The following SHTN1 variants were observed in gnomAD, a reference collection of about 807,000 sequenced individuals.
SHTN1 encodes shootin 1.
A neutral mutation model predicts 83.1 loss-of-function variants in SHTN1; 42 were observed. That is an observed-to-expected ratio of 0.51 (90% confidence interval 0.39 to 0.65). The LOEUF is 0.65. Among genes scored for constraint, SHTN1 ranks in the 30% least tolerant of loss-of-function variants. The pLI is 0.00. For synonymous variants in SHTN1, 224 were observed against 247.7 expected (o/e 0.90, Z 0.90); for missense variants, 622 against 737.8 (o/e 0.84, Z 1.82).
In SHTN1 at chr10:116,968,759, T is replaced by G. The variant is rs1008389078; in HGVS notation, c.112-47A>C. 11 of 1,510,316 alleles carry G rather than the reference T, an allele frequency of 7.3e-6. No homozygotes were observed. The Admixed American group carries it at 1.1e-4, about 15-fold the overall frequency. The allele number at this position is 1,510,316 out of a possible 1,614,324, so 93.6% of individuals were successfully genotyped here. ...AATGTTAAACTTCAATCATAAATTT[T>G]AAGTTTGAAAAGGCAAGCAAGAGCA... On this transcript the variant is annotated intron_variant, in intron 2 of 16. Transcript: ENST00000355371.
intron 13 of SHTN1, among the ~76,000 whole-genome samples, chr10:116,912,746 G>A (rs1848248479): frequency 1.3e-5 from 2 of 152,086 alleles, no homozygotes; most frequent in African/African-American, 4.8e-5. Context: ...AGATGAAGGG[G>A]AAACTTGCAA....
intron 2 of SHTN1, among the ~76,000 whole-genome samples, chr10:117,020,185 G>A (rs1852238884): frequency 6.6e-6 from 1 of 152,018 alleles, no homozygotes; most frequent in Non-Finnish European, 1.5e-5. Context: ...AAGACTTACA[G>A]GTCAATAGAA....
intron 4 of SHTN1, among the ~76,000 whole-genome samples, chr10:116,955,873 C>T (rs1045685293): frequency 6.6e-5 from 10 of 152,188 alleles, no homozygotes; most frequent in Admixed American, 2.6e-4. Flanking sequence ...TCTGTCTGCA[C>T]ACATTACATT....
chr10:117,071,459 T>C lies in SHTN1; in HGVS notation c.-188-22949A>G, dbSNP rs140002908. Among the ~76,000 whole-genome samples, 545 of 152,332 alleles carry C rather than the reference T, an allele frequency of 3.6e-3. 2 individuals are homozygous for C. The highest frequency in any genetic ancestry group is 6.4e-3 in the Admixed American group (98 of 15,306). On this transcript the variant is annotated intron_variant, in intron 1 of 17. Coordinates refer to the SHTN1 transcript ENST00000392901. ...GTCAGCTCAGTGAATATTGCTATTC[T>C]CATCACATAAATGAGGAAACTGGGG... is the stretch of plus-strand genomic sequence containing the variant.
At chr10:117,027,862 C>A (rs1476681500) in intron 2 of SHTN1, among the ~76,000 whole-genome samples, 1 of 152,240 alleles carries the variant, frequency 6.6e-6, no homozygotes, top group East Asian at 1.9e-4. Flanking sequence ...AGAGGTGGGG[C>A]ATTGCTATAA....
intron 2 of SHTN1, among the ~76,000 whole-genome samples, chr10:117,044,791 A>G (rs1324732858): frequency 6.6e-6 from 1 of 152,176 alleles, no homozygotes; most frequent in African/African-American, 2.4e-5. Flanking sequence ...GGTAATGCCT[A>G]ACAATGAGAG....
At chr10:116,973,975 ACT>A (rs1850706328) in intron 2 of SHTN1, 21 of 1,214,030 alleles carry the variant, frequency 1.7e-5, no homozygotes, top group South Asian at 1.7e-4. Flanking sequence ...GGATTTCTAC[ACT>A]CTTATCCCTA....
intron 2 of SHTN1, among the ~76,000 whole-genome samples, chr10:117,033,677 T>C (rs1852453605): frequency 6.6e-6 from 1 of 151,938 alleles, no homozygotes; most frequent in African/African-American, 2.4e-5. Context: ...AATCATTCTA[T>C]GAGGGCAGTA....
At chr10:117,062,036 T>C (rs1429135303) in intron 1 of SHTN1, among the ~76,000 whole-genome samples, 1 of 152,216 alleles carries the variant, frequency 6.6e-6, no homozygotes, top group Non-Finnish European at 1.5e-5. Context: ...AAGGGTCAGA[T>C]AGGTTCTGCT....
chr10:116,986,636 C>A lies in SHTN1; in HGVS notation c.59-7328G>T, dbSNP rs574650059. On this transcript the variant is annotated intron_variant, in intron 1 of 16. Transcript: ENST00000355371. ...CAGTGGCTCAACCTGTAATCTAGCA[C>A]TTTGGGAGGCCAAGGCAGGAGAATC... Among the ~76,000 whole-genome samples, 5 of 151,392 alleles carry A rather than the reference C, an allele frequency of 3.3e-5. No individual in the cohort carries two copies. The East Asian group carries it at 9.7e-4, about 29-fold the overall frequency.
rs568904798 is a variant in SHTN1, at chr10:116,939,391, C to T, written c.858+1075G>A. ...AGAGCACCATTCCTCACAGCACAGT[C>T]TCTCGTGGCTTCCCTTGGCTAGGAG... On this transcript the variant is annotated intron_variant, in intron 9 of 16. Coordinates refer to ENST00000355371, the MANE Select transcript of SHTN1 (RefSeq NM_001127211.3). 9.2e-5 allele frequency among the ~76,000 whole-genome samples: 14 copies of T among 152,350 alleles called. No homozygotes were observed. The South Asian group carries it at 2.5e-3, about 27-fold the overall frequency.
intron 9 of SHTN1, 150 bp downstream of exon 9, chr10:116,940,316 C>T: frequency 1.6e-6 from 1 of 640,870 alleles, no homozygotes; most frequent in African/African-American, 1.9e-5. Flanking sequence ...TTATTTTTTT[C>T]TAAAAGGTGG....
At chr10:116,936,519 C>T (rs933542170) in intron 9 of SHTN1, among the ~76,000 whole-genome samples, 1 of 152,174 alleles carries the variant, frequency 6.6e-6, no homozygotes, top group Non-Finnish European at 1.5e-5. Context: ...TTTGATTGCA[C>T]TGTGGTCTGA....
At chr10:117,046,292 T>G (rs1852663187) in intron 2 of SHTN1, among the ~76,000 whole-genome samples, 1 of 152,080 alleles carries the variant, frequency 6.6e-6, no homozygotes, top group African/African-American at 2.4e-5. Context: ...CTCAACACCA[T>G]GAGTCATTAG....
chr10:116,905,359 A>C (rs1282126628), intron 15 of SHTN1, among the ~76,000 whole-genome samples: 6 of 152,208 alleles, frequency 3.9e-5, no homozygotes, highest in Non-Finnish European at 4.4e-5. Flanking sequence ...AACCATCCTA[A>C]GAAAAAAATG....
At chr10:116,907,330 T>C (rs1370820670) in intron 14 of SHTN1, among the ~76,000 whole-genome samples, 1 of 152,082 alleles carries the variant, frequency 6.6e-6, no homozygotes, top group Non-Finnish European at 1.5e-5. Flanking sequence ...AAAGTTATAA[T>C]CATACAGAGA....
chr10:116,917,217 G>A (rs1848411077), intron 12 of SHTN1, among the ~76,000 whole-genome samples: 1 of 152,156 alleles, frequency 6.6e-6, no homozygotes, highest in African/African-American at 2.4e-5. Context: ...CAGTGCTTTT[G>A]CTGACCCTAC....
At chr10:116,923,641 G>C (rs142398972) in intron 11 of SHTN1, among the ~76,000 whole-genome samples, 2 of 151,550 alleles carry the variant, frequency 1.3e-5, no homozygotes, top group East Asian at 2.0e-4. Flanking sequence ...TTGCAGCTCC[G>C]ATCTCCTGCA....
intron 11 of SHTN1, among the ~76,000 whole-genome samples, chr10:116,924,666 A>G (rs1296764178): frequency 6.6e-6 from 1 of 150,934 alleles, no homozygotes; most frequent in East Asian, 1.9e-4. Flanking sequence ...GCCCCATTTC[A>G]CTGTCATTTC....
Sources: allele counts gnomAD v4.1 joint callset (sites outside exome capture counted in the v4.1 genomes callset), GRCh38; gene constraint gnomAD v4.1.1; transcripts MANE v1.5; gene names NCBI Gene and HGNC (gene_info 2026-07-23, HGNC 2026-07-21).